LHFPL3: variants seen among roughly 807,000 people sequenced by gnomAD.
The protein encoded by LHFPL3 is LHFPL tetraspan subfamily member 3, also known as LHFPL tetraspan subfamily member 3 protein.
A neutral mutation model predicts 19.3 loss-of-function variants in LHFPL3; 5 were observed. That is an observed-to-expected ratio of 0.26 (90% confidence interval 0.14 to 0.54). The LOEUF (loss-of-function observed/expected upper bound fraction) is 0.54, where lower values mean the gene tolerates loss of function less well. Among genes scored for constraint, LHFPL3 ranks in the 20% least tolerant of loss-of-function variants. The probability of loss-of-function intolerance (pLI) is 0.94; values close to 1 mark genes in which losing one functional copy is unlikely to be tolerated. For synonymous variants in LHFPL3, 133 were observed against 126.2 expected, an observed-to-expected ratio of 1.05 and a Z score of -0.36; for missense variants, 249 against 307.4, an observed-to-expected ratio of 0.81 and a Z score of 1.42.
intron 1 of LHFPL3, among the ~76,000 whole-genome samples, chr7:104,406,034 G>A (rs1330180699): frequency 6.6e-6 from 1 of 152,230 alleles, no homozygotes; most frequent in Non-Finnish European, 1.5e-5. Flanking sequence ...ATCTGACCAA[G>A]AGTCTGCTTT....
intron 2 of LHFPL3, among the ~76,000 whole-genome samples, chr7:104,893,528 AAAAATT>A (rs1050475392): frequency 6.6e-6 from 1 of 152,120 alleles, no homozygotes; most frequent in Non-Finnish European, 1.5e-5. Context: ...TCTCAAAAAA[AAAAATT>A]AAAATTAAAT....
intron 1 of LHFPL3, among the ~76,000 whole-genome samples, chr7:104,522,298 AAC>A (rs1794083154): frequency 6.6e-6 from 1 of 150,552 alleles, no homozygotes; most frequent in Non-Finnish European, 1.5e-5. Flanking sequence ...CAAAAAACCA[AAC>A]ACCGCATATT....
chr7:104,675,433 T>G (rs1180187756), intron 1 of LHFPL3, among the ~76,000 whole-genome samples: 1 of 152,128 alleles, frequency 6.6e-6, no homozygotes, highest in Non-Finnish European at 1.5e-5. Flanking sequence ...TTGGACTTGC[T>G]CCAAGTAAGA....
chr7:104,668,854 TAGAGAA>T, intron 1 of LHFPL3: 1 of 1,611,814 alleles, frequency 6.2e-7, no homozygotes, highest in Non-Finnish European at 8.5e-7. Flanking sequence ...ACACAGCTGC[TAGAGAA>T]AGAGAAGTAG....
intron 2 of LHFPL3, among the ~76,000 whole-genome samples, chr7:104,839,198 G>A (rs1380214428): frequency 1.3e-5 from 2 of 152,150 alleles, no homozygotes; most frequent in Non-Finnish European, 2.9e-5. Context: ...CCAGAGGGAG[G>A]ACAGGATAGC....
intron 1 of LHFPL3, among the ~76,000 whole-genome samples, chr7:104,656,847 A>G (rs1478350436): frequency 2.0e-5 from 3 of 152,244 alleles, no homozygotes; most frequent in African/African-American, 7.2e-5. Context: ...CCATATGGGC[A>G]TCTTCACATT....
chr7:104,726,857 A>G (rs1793601214), intron 1 of LHFPL3, among the ~76,000 whole-genome samples: 1 of 152,116 alleles, frequency 6.6e-6, no homozygotes, highest in Non-Finnish European at 1.5e-5. Context: ...CAGTAATGGG[A>G]TTGCTGGGTC....
intron 1 of LHFPL3, among the ~76,000 whole-genome samples, chr7:104,625,380 C>A (rs1156675662): frequency 6.6e-6 from 1 of 152,180 alleles, no homozygotes; most frequent in South Asian, 2.1e-4. Flanking sequence ...CATTTTTGAT[C>A]TAGGAGCAAA....
At chr7:104,336,527 G>C (rs35349153) in intron 1 of LHFPL3, among the ~76,000 whole-genome samples, 5 of 151,794 alleles carry the variant, frequency 3.3e-5, no homozygotes, top group Non-Finnish European at 7.4e-5. Context: ...GAAAAATAAG[G>C]GGCTTGCAAG....
chr7:104,489,961 A>G (rs1273377949), intron 1 of LHFPL3, among the ~76,000 whole-genome samples: 1 of 152,168 alleles, frequency 6.6e-6, no homozygotes, highest in Non-Finnish European at 1.5e-5. Flanking sequence ...GGCCTACTGC[A>G]GGTCTAACTG....
intron 2 of LHFPL3, among the ~76,000 whole-genome samples, chr7:104,819,893 A>G (rs67577079): frequency 0.11 from 17,223 of 152,206 alleles, 1,101 homozygotes; most frequent in Middle Eastern, 0.14. Context: ...AGCTGCCACA[A>G]TGATCTTCAC....
At chr7:104,830,514 G>A (rs1051042349) in intron 2 of LHFPL3, among the ~76,000 whole-genome samples, 5 of 151,778 alleles carry the variant, frequency 3.3e-5, no homozygotes, top group African/African-American at 1.2e-4. Flanking sequence ...TTTGTATAAG[G>A]TGTAAGGAAG....
intron 1 of LHFPL3, among the ~76,000 whole-genome samples, chr7:104,549,151 CTT>C (rs1027040899): frequency 1.2e-4 from 18 of 152,024 alleles, no homozygotes; most frequent in African/African-American, 4.1e-4. Flanking sequence ...GCAAATATGA[CTT>C]TAAAAGTAAT....
intron 1 of LHFPL3, among the ~76,000 whole-genome samples, chr7:104,436,436 A>C (rs1792107412): frequency 6.6e-6 from 1 of 152,230 alleles, no homozygotes; most frequent in African/African-American, 2.4e-5. Flanking sequence ...ACCAGGACTC[A>C]AACCCAGTTC....
chr7:104,512,152 A>T (rs1393875525), intron 1 of LHFPL3, among the ~76,000 whole-genome samples: 2 of 151,608 alleles, frequency 1.3e-5, no homozygotes, highest in Non-Finnish European at 2.9e-5. Flanking sequence ...ACAGGGTTTC[A>T]CCATATTGGC....
intron 1 of LHFPL3, among the ~76,000 whole-genome samples, chr7:104,556,772 T>A (rs865796338): frequency 2.0e-5 from 3 of 152,244 alleles, no homozygotes; most frequent in Non-Finnish European, 4.4e-5. Context: ...ACTGCAAATT[T>A]TTCAAACTTT....
chr7:104,399,427 C>A lies in LHFPL3; in HGVS notation c.445+70203C>A, dbSNP rs1791263736. 6.9e-6 allele frequency among the ~76,000 whole-genome samples: 1 copy of A among 144,512 alleles called. No homozygotes were observed. Among genetic ancestry groups the A allele is most frequent in the African/African-American group, 2.5e-5 (1 of 39,388 alleles). The allele number at this position is 144,512 out of a possible 152,430, so 94.8% of individuals were successfully genotyped here. A position where few individuals can be genotyped will look rare whatever the true frequency, so the allele number is the denominator to read the frequency against. On this transcript the variant is annotated intron_variant, in intron 1 of 2. Transcript: ENST00000424859. This position sits in a 1 kb window ranked among gnomAD's most constrained non-coding sequence, Gnocchi z 4.4. ...AAATTACCTGGAAATGTACTATGTTCTTCTGTTTTTTTTTGTTTTTTAGGT... is the reference window on the plus strand; with the variant it reads ...AAATTACCTGGAAATGTACTATGTTATTCTGTTTTTTTTTGTTTTTTAGGT...
chr7:104,795,079 C>T (rs1422925720), intron 2 of LHFPL3, among the ~76,000 whole-genome samples: 1 of 152,150 alleles, frequency 6.6e-6, no homozygotes, highest in Non-Finnish European at 1.5e-5. Flanking sequence ...AAACAAGTCA[C>T]CTGATTCTAC....
At chr7:104,582,267 G>C (rs1402316234) in intron 1 of LHFPL3, among the ~76,000 whole-genome samples, 1 of 151,456 alleles carries the variant, frequency 6.6e-6, no homozygotes, top group Non-Finnish European at 1.5e-5. Flanking sequence ...TTTTCCAATT[G>C]TTTGCTGCTA....
Sources: gnomAD v4.1 joint callset for allele counts (sites outside exome capture counted in the v4.1 genomes callset) on GRCh38, gnomAD v4.1.1 for gene constraint, Gnocchi (gnomAD v3.1) non-coding constraint, MANE v1.5 for transcripts, NCBI Gene and HGNC (gene_info 2026-07-23, HGNC 2026-07-21) for gene names.